The following BBX variants were observed in gnomAD, a reference collection of about 807,000 sequenced individuals.
BBX encodes the protein BBX high mobility group box domain containing.
In BBX, 30 loss-of-function variants were observed where a neutral mutation model predicts 100.2. The observed-to-expected ratio is 0.30, with a 90% CI of 0.22 to 0.41. The LOEUF is 0.41. BBX is among the 10% of genes least tolerant of loss of function. BBX has a pLI of 1.00. For synonymous variants in BBX, 376 were observed against 388.1 expected, an observed-to-expected ratio of 0.97 and a Z score of 0.37; for missense variants, 1,023 against 1,129.8, an observed-to-expected ratio of 0.91 and a Z score of 1.35.
intron 2 of BBX, among the ~76,000 whole-genome samples, chr3:107,536,031 A>T (rs548315659): frequency 6.6e-6 from 1 of 152,248 alleles, no homozygotes; most frequent in Non-Finnish European, 1.5e-5. Context: ...TTAGTGGAAA[A>T]ATTAATAAGC....
At chr3:107,557,347 A>G (rs572188964) in intron 2 of BBX, among the ~76,000 whole-genome samples, 1 of 152,344 alleles carries the variant, frequency 6.6e-6, no homozygotes, top group South Asian at 2.1e-4. Context: ...CAAAATGATT[A>G]GACATCATAA....
At chr3:107,544,703 T>G (rs2049089501) in intron 2 of BBX, among the ~76,000 whole-genome samples, 1 of 151,342 alleles carries the variant, frequency 6.6e-6, no homozygotes, top group Non-Finnish European at 1.5e-5. Flanking sequence ...AAACCCCATC[T>G]CTATAAGAAA....
chr3:107,771,511 T>G (rs1236567989), intron 10 of BBX, among the ~76,000 whole-genome samples: 2 of 152,156 alleles, frequency 1.3e-5, no homozygotes, highest in Non-Finnish European at 2.9e-5. Context: ...AGATACATAT[T>G]ACACTAAGTA....
At chr3:107,769,415 C>G (rs574553117) in intron 10 of BBX, among the ~76,000 whole-genome samples, 15 of 152,230 alleles carry the variant, frequency 9.9e-5, no homozygotes, top group African/African-American at 3.4e-4. Flanking sequence ...TCTGTTTCCT[C>G]ATAGGGGTTC....
intron 2 of BBX, among the ~76,000 whole-genome samples, chr3:107,632,615 G>A (rs1428738294): frequency 6.6e-6 from 1 of 152,164 alleles, no homozygotes; most frequent in African/African-American, 2.4e-5. Context: ...TGTTATCAAA[G>A]TAGTTATCTG....
rs531347853 is a variant in BBX at position 107,805,690 on chromosome 3, A to G, written c.*233A>G. 3 of 687,164 alleles carry G rather than the reference A, an allele frequency of 4.4e-6. No individual in the cohort carries two copies. Among genetic ancestry groups the G allele is most frequent in the Admixed American group, 6.2e-5 (2 of 32,392 alleles). 42.6% of individuals were successfully genotyped at this position (687,164 alleles called of 1,614,324 possible). A position where few individuals can be genotyped will look rare whatever the true frequency, so the allele number is the denominator to read the frequency against. ...CTGTCTGATACTGAGCAGAAACAGA[A>G]TGATCCTGGAGCTTTGCTTTCTATT... On this transcript the variant is annotated 3_prime_UTR_variant, in exon 18 of 18. Transcript: ENST00000325805.
chr3:107,595,498 A>G (rs981036771), intron 2 of BBX, among the ~76,000 whole-genome samples: 5 of 152,204 alleles, frequency 3.3e-5, no homozygotes, highest in African/African-American at 1.2e-4. Context: ...TATCAAACAC[A>G]TTAATAAGCA....
At chr3:107,675,880 T>C (rs1299390274) in intron 3 of BBX, among the ~76,000 whole-genome samples, 1 of 152,196 alleles carries the variant, frequency 6.6e-6, no homozygotes, top group Admixed American at 6.5e-5. Flanking sequence ...ATCAAGTCTA[T>C]ATTGAAGGGT....
At chr3:107,531,574 G>T (rs1559779719) in intron 2 of BBX, among the ~76,000 whole-genome samples, 1 of 145,246 alleles carries the variant, frequency 6.9e-6, no homozygotes, top group African/African-American at 2.5e-5. Context: ...AAGCCTTTTA[G>T]TTTTTTTTTT....
At position 107,716,606 on chromosome 3, in the gene BBX, G is replaced by A; in HGVS notation, c.163-1G>A. 1.2e-6 allele frequency: 2 copies of A among 1,612,820 alleles called. No individual in the cohort carries two copies. Among genetic ancestry groups the A allele is most frequent in the Non-Finnish European group, 1.7e-6 (2 of 1,179,044 alleles). On this transcript the variant is annotated splice_acceptor_variant, in intron 4 of 17. Transcript: ENST00000325805. LOFTEE classifies it high-confidence loss of function. ...TCTGGCTTTGTTTTTGGTGGTAATA[G>A]GTTCAACTTCTTGGGGCCGATGGCC... is the stretch of plus-strand genomic sequence containing the variant.
At chr3:107,552,897 T>C (rs1446205118) in intron 2 of BBX, among the ~76,000 whole-genome samples, 1 of 152,234 alleles carries the variant, frequency 6.6e-6, no homozygotes, top group Non-Finnish European at 1.5e-5. Flanking sequence ...TCCAAATATA[T>C]AGGGATTTAT....
chr3:107,592,816 A>G (rs1576426825), intron 2 of BBX, among the ~76,000 whole-genome samples: 1 of 152,274 alleles, frequency 6.6e-6, no homozygotes, highest in South Asian at 2.1e-4. Flanking sequence ...CACATGTCTT[A>G]AGGGCCAACA....
At chr3:107,604,078 G>A (rs1254608671) in intron 2 of BBX, among the ~76,000 whole-genome samples, 1 of 152,090 alleles carries the variant, frequency 6.6e-6, no homozygotes, top group Non-Finnish European at 1.5e-5. Context: ...CCCCAGGGAA[G>A]TTTTTAATTC....
chr3:107,547,254 G>A (rs2049308102), intron 2 of BBX, among the ~76,000 whole-genome samples: 1 of 152,118 alleles, frequency 6.6e-6, no homozygotes, highest in African/African-American at 2.4e-5. Flanking sequence ...AGAAAAATTT[G>A]AAAGAACTGA....
At chr3:107,630,715 G>T (rs1413365992) in intron 2 of BBX, among the ~76,000 whole-genome samples, 1 of 152,176 alleles carries the variant, frequency 6.6e-6, no homozygotes, top group Non-Finnish European at 1.5e-5. Flanking sequence ...ATAAGGAAAA[G>T]TTGTGGAGGA....
chr3:107,720,686 A>G (rs990869044), intron 5 of BBX, among the ~76,000 whole-genome samples: 2 of 151,986 alleles, frequency 1.3e-5, no homozygotes, highest in Non-Finnish European at 1.5e-5. Flanking sequence ...GTGAACTATA[A>G]TGGCCCTTTG....
intron 1 of BBX, among the ~76,000 whole-genome samples, chr3:107,524,802 T>TGG (rs63676262): frequency 1.2e-3 from 25 of 21,182 alleles, no homozygotes; most frequent in Middle Eastern, 0.071. Context: ...GGGGTGGAGG[T>TGG]GGGGGGGGGG....
chr3:107,753,000 T>C (rs964886528), intron 9 of BBX, among the ~76,000 whole-genome samples: 6 of 152,222 alleles, frequency 3.9e-5, no homozygotes, highest in Admixed American at 6.5e-5. Flanking sequence ...ATGCTTGAAA[T>C]TGAAGCCATC....
At chr3:107,751,534 A>T (rs1036342047) in intron 9 of BBX, among the ~76,000 whole-genome samples, 2 of 151,780 alleles carry the variant, frequency 1.3e-5, no homozygotes, top group Non-Finnish European at 2.9e-5. Context: ...GTTTGTTTTG[A>T]TTTTTTTTCA....
Sources: allele counts gnomAD v4.1 joint callset (sites outside exome capture counted in the v4.1 genomes callset), GRCh38; gene constraint gnomAD v4.1.1; transcripts MANE v1.5; gene names NCBI Gene and HGNC (gene_info 2026-07-23, HGNC 2026-07-21).